GOPC: variants seen among roughly 807,000 people sequenced by gnomAD.
GOPC encodes Golgi-associated PDZ and coiled-coil motif-containing protein.
In GOPC, 32 loss-of-function variants were observed where a neutral mutation model predicts 51.2. That is an observed-to-expected ratio of 0.63 (90% CI 0.47 to 0.84). The LOEUF (loss-of-function observed/expected upper bound fraction) is 0.84, where lower values mean the gene tolerates loss of function less well. Among genes scored for constraint, GOPC ranks in the 40% least tolerant of loss-of-function variants. The probability of loss-of-function intolerance (pLI) is 0.00; values close to 1 mark genes in which losing one functional copy is unlikely to be tolerated. For missense variants in GOPC, 441 were observed against 555.5 expected (o/e 0.79, Z 2.07); for synonymous variants, 190 against 205.1 (o/e 0.93, Z 0.63).
chr6:117,578,274 A>C (rs1475068922), intron 2 of GOPC, among the ~76,000 whole-genome samples: 2 of 152,260 alleles, frequency 1.3e-5, no homozygotes, highest in East Asian at 3.9e-4. Flanking sequence ...TGGTCAATGA[A>C]ATGCTGGCAA....
intron 7 of GOPC, 105 bp downstream of exon 7, chr6:117,569,467 T>A: frequency 7.0e-7 from 1 of 1,425,386 alleles, no homozygotes. Flanking sequence ...AAGAACTATG[T>A]GTAAACACTT....
At position 117,600,726 on chromosome 6, in the gene GOPC, G is replaced by T. The variant is rs147017645; in HGVS notation, c.285+1278C>A. On this transcript the variant is annotated intron_variant, in intron 1 of 8. Transcript: ENST00000368498. ...CATTAAATGCAATTTCACTATCTGA[G>T]AAAAATAGCTTTCTTGTGGAAATTA... Among the ~76,000 whole-genome samples the T allele has an allele frequency of 2.9e-4, 44 of 152,250 alleles. No homozygotes were observed. In the East Asian group the frequency reaches 7.9e-3, roughly 27 times the overall value.
chr6:117,584,602 C>T (rs1259914689), intron 1 of GOPC, among the ~76,000 whole-genome samples: 1 of 152,134 alleles, frequency 6.6e-6, no homozygotes, highest in Non-Finnish European at 1.5e-5. Context: ...CCTCCATGAA[C>T]TTCCATGTGT....
In GOPC at chr6:117,562,748, T is replaced by A. The variant is rs1405143809; in HGVS notation, c.*506A>T. The A allele has an allele frequency of 4.8e-6, 1 of 207,766 alleles. No individual in the cohort carries two copies. 12.9% of individuals were successfully genotyped at this position (207,766 alleles called of 1,614,324 possible). On this transcript the variant is annotated 3_prime_UTR_variant, in exon 9 of 9. Transcript: ENST00000368498. ...TTTTAGGATGCACAATAAATTTTTT[T>A]AAGTCTAAAGCCTTTCAGTTACAAA...
At position 117,573,650 on chromosome 6, in the gene GOPC, A is replaced by G; in HGVS notation, c.651-18T>C. 6.3e-7 allele frequency: 1 copy of G among 1,591,390 alleles called. No homozygotes were observed. The highest frequency in any genetic ancestry group is 1.1e-5 in the South Asian group (1 of 87,218). On this transcript the variant is annotated intron_variant, in intron 4 of 8. Transcript: ENST00000368498. ...GTTGGACCCTTCATATTGGGAAAAG[A>G]GTACATTGATTTTTCATTATATTCA...
At chr6:117,601,349 G>C (rs1156760926) in intron 1 of GOPC, among the ~76,000 whole-genome samples, 1 of 152,038 alleles carries the variant, frequency 6.6e-6, no homozygotes, top group African/African-American at 2.4e-5. Flanking sequence ...TCCAGACTTT[G>C]GAAAATTACA....
At chr6:117,600,663 A>G (rs1771985198) in intron 1 of GOPC, among the ~76,000 whole-genome samples, 1 of 152,260 alleles carries the variant, frequency 6.6e-6, no homozygotes, top group African/African-American at 2.4e-5. Flanking sequence ...ATAAGATAAA[A>G]TAAGATGAAA....
chr6:117,595,434 G>T (rs1780183608), intron 1 of GOPC, among the ~76,000 whole-genome samples: 1 of 152,146 alleles, frequency 6.6e-6, no homozygotes, highest in African/African-American at 2.4e-5. Context: ...GGAACAGGTG[G>T]GGTTTGGTTA....
Position 117,579,075 on chromosome 6 carries a change from A to G in GOPC, c.286-11T>C. On this transcript the variant is annotated splice_polypyrimidine_tract_variant and intron_variant, in intron 1 of 8. Transcript: ENST00000368498. ...ATCCACCAACTGTGCCTTATAAAGAAAACAATAGAAGAAATTAAGGATGCT... is the reference window on the plus strand; with the variant it reads ...ATCCACCAACTGTGCCTTATAAAGAGAACAATAGAAGAAATTAAGGATGCT... 6.3e-7 allele frequency: 1 copy of G among 1,583,748 alleles called. No individual in the cohort carries two copies. The highest frequency in any genetic ancestry group is 8.6e-7 in the Non-Finnish European group (1 of 1,168,982).
rs1307679049 is a variant in GOPC at position 117,602,335 on chromosome 6, C to G, written c.-47G>C. ...CGACTGCTGAAGACCCTCGCCGCCC[C>G]CCGCGCACGAAGGGAACTGCTGGGA... On this transcript the variant is annotated 5_prime_UTR_variant, in exon 1 of 9. Coordinates refer to ENST00000368498, the MANE Select transcript of GOPC (RefSeq NM_020399.4). 1 of 1,505,956 alleles carries G rather than the reference C, an allele frequency of 6.6e-7. No homozygotes were observed. The highest frequency in any genetic ancestry group is 1.3e-5 in the South Asian group (1 of 79,446). The allele number at this position is 1,505,956 out of a possible 1,614,324, so 93.3% of individuals were successfully genotyped here. A position where few individuals can be genotyped will look rare whatever the true frequency, so the allele number is the denominator to read the frequency against.
At chr6:117,576,737 G>A (rs1223931845) in intron 3 of GOPC, among the ~76,000 whole-genome samples, 1 of 151,960 alleles carries the variant, frequency 6.6e-6, no homozygotes, top group Admixed American at 6.6e-5. Flanking sequence ...TAAGATGAAG[G>A]AAACTGAAGT....
intron 6 of GOPC, among the ~76,000 whole-genome samples, chr6:117,570,161 T>C (rs966758503): frequency 3.3e-5 from 5 of 151,872 alleles, no homozygotes; most frequent in Non-Finnish European, 7.4e-5. Context: ...TATATCATTG[T>C]TGCGTGTGTG....
At chr6:117,574,601 C>A (rs1027541679) in intron 4 of GOPC, among the ~76,000 whole-genome samples, 1 of 152,112 alleles carries the variant, frequency 6.6e-6, no homozygotes, top group Non-Finnish European at 1.5e-5. Flanking sequence ...AAAAGTGCTG[C>A]TCTACAGAGT....
At chr6:117,584,088 T>A (rs1294305023) in intron 1 of GOPC, among the ~76,000 whole-genome samples, 1 of 152,230 alleles carries the variant, frequency 6.6e-6, no homozygotes, top group Admixed American at 6.5e-5. Context: ...TTCCCAGGAA[T>A]AGATTTATCA....
chr6:117,589,055 G>C (rs972325315), intron 1 of GOPC, among the ~76,000 whole-genome samples: 1 of 152,026 alleles, frequency 6.6e-6, no homozygotes, highest in African/African-American at 2.4e-5. Context: ...AAATTAAAAA[G>C]AAAAAACAAA....
chr6:117,562,127 C>CA lies in GOPC; in HGVS notation c.*1126dup, dbSNP rs1779595974. The stretch of plus-strand genomic sequence containing the variant: ...ATATTAAATCAGAGAGGAGGCACTC[C>CA]ATGTTTAATCATGGGACAACAGACC... On this transcript the variant is annotated 3_prime_UTR_variant, in exon 9 of 9. Coordinates refer to ENST00000368498, the MANE Select transcript of GOPC (RefSeq NM_020399.4). 1 of 205,794 alleles carries CA rather than the reference C, an allele frequency of 4.9e-6. No individual in the cohort carries two copies. The highest frequency in any genetic ancestry group is 2.3e-5 in the African/African-American group (1 of 43,886). The allele number at this position is 205,794 out of a possible 1,614,324, so 12.7% of individuals were successfully genotyped here. A position where few individuals can be genotyped will look rare whatever the true frequency, so the allele number is the denominator to read the frequency against.
At chr6:117,600,279 C>T (rs997580339) in intron 1 of GOPC, among the ~76,000 whole-genome samples, 1 of 152,208 alleles carries the variant, frequency 6.6e-6, no homozygotes, top group Non-Finnish European at 1.5e-5. Context: ...ACCAGTTCTA[C>T]ACTCCTATGA....
In GOPC at chr6:117,602,136, G is replaced by T. The variant is rs768999736; in HGVS notation, c.153C>A (p.Leu51=). ...FDKAFVDVDL[L]LGEIDPDQAD... Reference sequence around the variant, plus strand: ...CTTGGTCTGGATCGATCTCTCCCAGGAGCAGATCCACATCCACAAAAGCTT... The same window carrying T: ...CTTGGTCTGGATCGATCTCTCCCAGTAGCAGATCCACATCCACAAAAGCTT... The change falls in exon 1 of 9, where the codon CTC becomes CTA. Residue 51 remains leucine, a synonymous_variant. Coordinates refer to ENST00000368498, the MANE Select transcript of GOPC (RefSeq NM_020399.4). The T allele has an allele frequency of 6.2e-7, 1 of 1,614,104 alleles. No homozygotes were observed. Among genetic ancestry groups the T allele is most frequent in the African/African-American group, 1.3e-5 (1 of 75,026 alleles).
chr6:117,588,719 G>A (rs1780069440), intron 1 of GOPC, among the ~76,000 whole-genome samples: 1 of 151,014 alleles, frequency 6.6e-6, no homozygotes, highest in Non-Finnish European at 1.5e-5. Flanking sequence ...TTTAAATGAT[G>A]TAATAAAGTT....
Sources: allele counts gnomAD v4.1 joint callset (sites outside exome capture counted in the v4.1 genomes callset), GRCh38; gene constraint gnomAD v4.1.1; transcripts MANE v1.5; gene names NCBI Gene and HGNC (gene_info 2026-07-23, HGNC 2026-07-21).